Variants in GABPB1 observed in about 807,000 individuals in gnomAD.
The protein encoded by GABPB1 is GA-binding protein subunit beta-1.
In GABPB1, 15 loss-of-function variants were observed where a neutral mutation model predicts 45.9. That is an observed-to-expected ratio of 0.33 (90% CI 0.22 to 0.50). GABPB1 has a LOEUF of 0.50. GABPB1 is among the 20% of genes least tolerant of loss of function. The pLI is 0.98. For synonymous variants in GABPB1, 143 were observed against 154.4 expected (o/e 0.93, Z 0.55); for missense variants, 252 against 457.5 (o/e 0.55, Z 4.10).
intron 1 of GABPB1, among the ~76,000 whole-genome samples, chr15:50,339,231 C>A (rs568408197): frequency 6.6e-6 from 1 of 152,252 alleles, no homozygotes; most frequent in African/African-American, 2.4e-5. Flanking sequence ...GGTGGGAGCA[C>A]TGCTTGAGCC....
intron 8 of GABPB1, among the ~76,000 whole-genome samples, chr15:50,284,115 C>A (rs767325137): frequency 3.3e-5 from 5 of 152,062 alleles, no homozygotes; most frequent in Non-Finnish European, 5.9e-5. Flanking sequence ...GCCAAGCTGT[C>A]CCTTAGGAGT....
At chr15:50,282,565 A>AAAAAAAAAAAAAAAAAC (rs1567472459) in intron 8 of GABPB1, among the ~76,000 whole-genome samples, 1 of 150,714 alleles carries the variant, frequency 6.6e-6, no homozygotes, top group African/African-American at 2.4e-5. Context: ...AAAAAGAAAA[A>AAAAAAAAAAAAAAAAAC]AAAAAAAAAA....
At chr15:50,347,220 A>G (rs2048623156) in intron 1 of GABPB1, among the ~76,000 whole-genome samples, 1 of 152,102 alleles carries the variant, frequency 6.6e-6, no homozygotes, top group South Asian at 2.1e-4. Context: ...TTATGGGGAG[A>G]CACAAGCTTT....
intron 6 of GABPB1, among the ~76,000 whole-genome samples, chr15:50,293,645 C>T (rs2046420207): frequency 6.6e-6 from 1 of 152,140 alleles, no homozygotes; most frequent in South Asian, 2.1e-4. Flanking sequence ...GAACTGAATG[C>T]TAACTACAGA....
chr15:50,350,946 A>G (rs908150550), intron 1 of GABPB1: 3 of 152,148 alleles, frequency 2.0e-5, no homozygotes, highest in Non-Finnish European at 4.4e-5. Context: ...TTTAGGTCAA[A>G]CATCCCATTT....
At chr15:50,333,920 T>A (rs956881485) in intron 1 of GABPB1, among the ~76,000 whole-genome samples, 2 of 151,436 alleles carry the variant, frequency 1.3e-5, no homozygotes, top group South Asian at 4.2e-4. Flanking sequence ...ATCTCAGCTA[T>A]TAGGGAGGCT....
At chr15:50,285,128 A>T (rs2046110018) in intron 8 of GABPB1, among the ~76,000 whole-genome samples, 1 of 152,186 alleles carries the variant, frequency 6.6e-6, no homozygotes, top group African/African-American at 2.4e-5. Flanking sequence ...TTCTATAACA[A>T]GAACCTTTAC....
intron 1 of GABPB1, among the ~76,000 whole-genome samples, chr15:50,325,257 C>T (rs538155958): frequency 5.4e-5 from 8 of 148,078 alleles, no homozygotes; most frequent in African/African-American, 2.0e-4. Context: ...TAACTACAAA[C>T]TGGACAAATA....
chr15:50,321,328 C>G (rs947685739), intron 1 of GABPB1, among the ~76,000 whole-genome samples: 4 of 152,070 alleles, frequency 2.6e-5, no homozygotes, highest in Non-Finnish European at 5.9e-5. Context: ...GTCTCCACTC[C>G]CCACAGAGAG....
At chr15:50,354,168 A>G (rs2048980660) in intron 1 of GABPB1, 1 of 320,880 alleles carries the variant, frequency 3.1e-6, no homozygotes, top group Admixed American at 4.6e-5. Context: ...CACACTAAAC[A>G]CACAGTGATG....
At chr15:50,299,221 G>A (rs1331438152) in intron 6 of GABPB1, among the ~76,000 whole-genome samples, 2 of 152,078 alleles carry the variant, frequency 1.3e-5, no homozygotes, top group African/African-American at 4.8e-5. Context: ...TATAAGCACT[G>A]AACCAAATAT....
chr15:50,280,568 T>A (rs1400882056), intron 8 of GABPB1, among the ~76,000 whole-genome samples: 1 of 151,962 alleles, frequency 6.6e-6, no homozygotes, highest in Non-Finnish European at 1.5e-5. Context: ...CTGGGCAACA[T>A]GGCAAAACCC....
At chr15:50,332,682 G>A (rs1034007377) in intron 1 of GABPB1, among the ~76,000 whole-genome samples, 1 of 151,914 alleles carries the variant, frequency 6.6e-6, no homozygotes, top group African/African-American at 2.4e-5. Context: ...AACTGTTGAA[G>A]GTGGGTAATA....
intron 6 of GABPB1, among the ~76,000 whole-genome samples, chr15:50,292,657 C>T (rs2140996102): frequency 6.6e-6 from 1 of 152,120 alleles, no homozygotes; most frequent in South Asian, 2.1e-4. Context: ...ATTTGGAGGA[C>T]AACTTGAAAA....
intron 1 of GABPB1, chr15:50,349,543 T>A (rs1455949216): frequency 6.6e-6 from 1 of 152,178 alleles, no homozygotes; most frequent in African/African-American, 2.4e-5. Flanking sequence ...GGGATGACAC[T>A]GGGATGAATA....
chr15:50,349,520 A>G (rs749353685), intron 1 of GABPB1: 1 of 152,262 alleles, frequency 6.6e-6, no homozygotes, highest in African/African-American at 2.4e-5. Context: ...ACACAGCTAG[A>G]GTATGACTAA....
At chr15:50,302,292 A>C (rs1031642450) in intron 4 of GABPB1, among the ~76,000 whole-genome samples, 1 of 152,218 alleles carries the variant, frequency 6.6e-6, no homozygotes, top group African/African-American at 2.4e-5. Context: ...TTATAAAGTC[A>C]TTTATAGTAG....
intron 1 of GABPB1, chr15:50,354,638 C>T (rs770946754): frequency 2.3e-6 from 1 of 435,696 alleles, no homozygotes; most frequent in South Asian, 1.6e-5. Flanking sequence ...ACCCCATCGC[C>T]ACCCCGGGGC....
intron 6 of GABPB1, among the ~76,000 whole-genome samples, chr15:50,292,314 CAAAAAAAA>C (rs762047613): frequency 4.0e-5 from 2 of 49,570 alleles, no homozygotes; most frequent in Admixed American, 2.2e-4. Context: ...GACTCCATCT[CAAAAAAAA>C]AAAAAAAAAA....
Sources: allele counts gnomAD v4.1 joint callset (sites outside exome capture counted in the v4.1 genomes callset), GRCh38; gene constraint gnomAD v4.1.1; transcripts MANE v1.5; gene names NCBI Gene and HGNC (gene_info 2026-07-23, HGNC 2026-07-21).